ROS1: variants seen among roughly 807,000 people sequenced by gnomAD.
The protein encoded by ROS1 is ROS proto-oncogene 1, receptor tyrosine kinase.
Under a neutral mutation model 273.5 loss-of-function variants are expected in ROS1, and 263 were observed. The ratio of observed to expected loss-of-function variants is 0.96; its 90% confidence interval spans 0.87 to 1.06. ROS1 has a LOEUF of 1.06. Among genes scored for constraint, ROS1 ranks in the 50% least tolerant of loss-of-function variants. The probability of loss-of-function intolerance (pLI) is 0.00; values close to 1 mark genes in which losing one functional copy is unlikely to be tolerated. For synonymous variants in ROS1, 1,008 were observed against 954.1 expected, an observed-to-expected ratio of 1.06 and a Z score of -1.04; for missense variants, 2,833 against 2,751.1, an observed-to-expected ratio of 1.03 and a Z score of -0.67.
intron 2 of ROS1, among the ~76,000 whole-genome samples, chr6:117,416,989 C>A (rs943845707): frequency 1.3e-5 from 2 of 152,076 alleles, no homozygotes; most frequent in Non-Finnish European, 2.9e-5. Flanking sequence ...TCTCTCCACC[C>A]CTTTGGTGTT....
rs1265822591 is a variant in ROS1 at position 117,362,514 on chromosome 6, C to T, written c.3366+89G>A. 3.9e-6 allele frequency: 5 copies of T among 1,266,620 alleles called. No individual in the cohort carries two copies. In the Admixed American group the frequency reaches 1.2e-4, roughly 30 times the overall value. The allele number at this position is 1,266,620 out of a possible 1,614,324, so 78.5% of individuals were successfully genotyped here. A position where few individuals can be genotyped will look rare whatever the true frequency, so the allele number is the denominator to read the frequency against. On this transcript the variant is annotated intron_variant, in intron 22 of 43. Transcript: ENST00000368507. ...AAAATCTAGGTATGTGTGCCATTTACACTGTAACATATCCCAGAAACATAG... is the reference window on the plus strand; with the variant it reads ...AAAATCTAGGTATGTGTGCCATTTATACTGTAACATATCCCAGAAACATAG...
chr6:117,363,286 G>A (rs1350704872), intron 21 of ROS1, among the ~76,000 whole-genome samples: 1 of 152,174 alleles, frequency 6.6e-6, no homozygotes, highest in African/African-American at 2.4e-5. Flanking sequence ...CCTTCAGCCA[G>A]TTCAGGTTGT....
chr6:117,296,297 A>C (rs776335491), intron 43 of ROS1, among the ~76,000 whole-genome samples: 18 of 152,254 alleles, frequency 1.2e-4, no homozygotes, highest in South Asian at 6.2e-4. Flanking sequence ...GCTACTCGGA[A>C]TGCCGAGGCA....
rs1562401377 is a variant in ROS1, at chr6:117,425,799, C to G, written c.-143G>C. 1.1e-5 allele frequency: 9 copies of G among 831,100 alleles called. 1 individual carries two copies. The South Asian group carries it at 1.4e-4, about 13-fold the overall frequency. The allele number at this position is 831,100 out of a possible 1,614,324, so 51.5% of individuals were successfully genotyped here. ...GTTTTGCTATATTAGGATATACTTGCCTTTTGAAATAATACTTAGCCTTTT... is the reference window on the plus strand; with the variant it reads ...GTTTTGCTATATTAGGATATACTTGGCTTTTGAAATAATACTTAGCCTTTT... On this transcript the variant is annotated 5_prime_UTR_variant, in exon 1 of 44. Transcript: ENST00000368507.
chr6:117,310,329 G>T, intron 40 of ROS1, 48 bp from the exon 41 acceptor site: 1 of 1,377,874 alleles, frequency 7.3e-7, no homozygotes, highest in Non-Finnish European at 9.9e-7. Flanking sequence ...CAACAATAAA[G>T]TTCCAGAAAT....
chr6:117,299,119 T>G (rs1774480061), intron 43 of ROS1, among the ~76,000 whole-genome samples: 2 of 152,204 alleles, frequency 1.3e-5, no homozygotes, highest in Admixed American at 6.5e-5. Context: ...AGAAACAATG[T>G]GAGACTATTA....
chr6:117,345,247 C>T (rs1778278939), intron 27 of ROS1, among the ~76,000 whole-genome samples: 1 of 152,196 alleles, frequency 6.6e-6, no homozygotes, highest in African/African-American at 2.4e-5. Context: ...GTAGTCTCTT[C>T]AGGTTGGAAT....
chr6:117,413,674 T>G (rs533952184), intron 4 of ROS1, among the ~76,000 whole-genome samples: 2 of 152,176 alleles, frequency 1.3e-5, no homozygotes, highest in African/African-American at 4.8e-5. Flanking sequence ...TGGCAAAGGA[T>G]TTTGTTGCAC....
At chr6:117,342,263 A>G in intron 29 of ROS1, 137 bp downstream of exon 29, 1 of 802,606 alleles carries the variant, frequency 1.2e-6, no homozygotes, top group Middle Eastern at 2.6e-4. Context: ...TTTTCTACAA[A>G]CACATTTTTC....
At chr6:117,387,183 C>A (rs1244337910) in intron 14 of ROS1, among the ~76,000 whole-genome samples, 184 bp from the exon 15 acceptor site, 2 of 152,102 alleles carry the variant, frequency 1.3e-5, no homozygotes, top group Admixed American at 1.3e-4. Context: ...AGAATGATCC[C>A]ATTAAACATA....
intron 4 of ROS1, among the ~76,000 whole-genome samples, chr6:117,410,863 G>T (rs1310408396): frequency 2.0e-5 from 3 of 152,092 alleles, no homozygotes; most frequent in Admixed American, 2.0e-4. Flanking sequence ...CCTCAGTTTG[G>T]GTTTGGAATT....
At chr6:117,319,292 T>C (rs1171999321) in intron 37 of ROS1, among the ~76,000 whole-genome samples, 1 of 152,168 alleles carries the variant, frequency 6.6e-6, no homozygotes, top group East Asian at 1.9e-4. Context: ...CTGTCACCTC[T>C]TTTTGTATAG....
At chr6:117,326,695 G>A (rs1173993166) in intron 33 of ROS1, among the ~76,000 whole-genome samples, 1 of 151,914 alleles carries the variant, frequency 6.6e-6, no homozygotes, top group Non-Finnish European at 1.5e-5. Flanking sequence ...CTAACAGCAT[G>A]GGTAAACTTT....
rs1303212090 is a variant in ROS1 at position 117,344,191 on chromosome 6, T to C, written c.4375A>G (p.Thr1459Ala). 6.2e-7 allele frequency: 1 copy of C among 1,614,032 alleles called. No homozygotes were observed. The highest frequency in any genetic ancestry group is 1.1e-5 in the South Asian group (1 of 91,080). The change falls in exon 28 of 44, where the codon ACA becomes GCA. Residue 1459 changes from threonine (T) to alanine (A), a missense_variant. Thr to Ala is a moderately conservative substitution (Grantham distance 58). Transcript: ENST00000368507. Reference sequence around the variant, plus strand: ...GTCTTGGCCAGAGGTAATCTGATTGTGAGGCTAGTGTTAGTGGCATTAAGT... The same window carrying C: ...GTCTTGGCCAGAGGTAATCTGATTGCGAGGCTAGTGTTAGTGGCATTAAGT... ...TILNATNTSL[T>A]IRLPLAKTNL...
At chr6:117,407,247 C>T (rs1774487380) in intron 5 of ROS1, among the ~76,000 whole-genome samples, 1 of 152,010 alleles carries the variant, frequency 6.6e-6, no homozygotes, top group Non-Finnish European at 1.5e-5. Context: ...ATGGAAGAGC[C>T]AAGCATCCTT....
intron 3 of ROS1, 111 bp from the exon 4 acceptor site, chr6:117,414,656 A>C: frequency 1.7e-6 from 1 of 575,478 alleles, no homozygotes; most frequent in Non-Finnish European, 3.0e-6. Context: ...CCATTGATAA[A>C]CAACCAAAAA....
At chr6:117,364,515 C>T (rs528390982) in intron 21 of ROS1, among the ~76,000 whole-genome samples, 75 of 152,152 alleles carry the variant, frequency 4.9e-4, no homozygotes, top group African/African-American at 1.8e-3. Context: ...CTGTGAGGAT[C>T]AAATGAAATG....
chr6:117,396,050 A>T (rs1773458832), intron 9 of ROS1, 138 bp downstream of exon 9: 1 of 482,252 alleles, frequency 2.1e-6, no homozygotes, highest in Non-Finnish European at 3.8e-6. Flanking sequence ...AAAACTTAAC[A>T]AGTACCCAAA....
chr6:117,387,048 T>A (rs748719162), intron 14 of ROS1, 49 bp from the exon 15 acceptor site: 1 of 1,017,602 alleles, frequency 9.8e-7, no homozygotes, highest in Non-Finnish European at 1.5e-6. Context: ...AAGCAAACTC[T>A]TTAAAGGTAT....
Sources: allele counts gnomAD v4.1 joint callset (sites outside exome capture counted in the v4.1 genomes callset), GRCh38; gene constraint gnomAD v4.1.1; transcripts MANE v1.5; gene names NCBI Gene and HGNC (gene_info 2026-07-23, HGNC 2026-07-21).